MECOM: variants seen among roughly 807,000 people sequenced by gnomAD.
The protein encoded by MECOM is MDS1 and EVI1 complex locus, also known as histone-lysine N-methyltransferase MECOM.
In MECOM, 13 loss-of-function variants were observed where a neutral mutation model predicts 116.3. The ratio of observed to expected loss-of-function variants is 0.11; its 90% CI spans 0.07 to 0.18. The LOEUF is 0.18. Among genes scored for constraint, MECOM ranks in the 10% least tolerant of loss-of-function variants. The pLI, the probability that MECOM is intolerant of heterozygous loss-of-function variation, is 1.00. For synonymous variants in MECOM, 528 were observed against 535.2 expected (o/e 0.99, Z 0.19); for missense variants, 1,299 against 1,509.0 (o/e 0.86, Z 2.31).
intron 14 of MECOM, among the ~76,000 whole-genome samples, chr3:169,091,565 T>C (rs1389188242): frequency 4.6e-5 from 7 of 152,234 alleles, no homozygotes; most frequent in African/African-American, 7.2e-5. Flanking sequence ...TGTTTCTTGC[T>C]TGTTCTTGCT....
intron 2 of MECOM, among the ~76,000 whole-genome samples, chr3:169,325,090 T>G (rs1721620398): frequency 6.6e-6 from 1 of 152,142 alleles, no homozygotes; most frequent in Admixed American, 6.5e-5. Context: ...AACCCCCTTA[T>G]GAATAGTGAA....
chr3:169,548,719 A>G (rs753788441), intron 1 of MECOM, among the ~76,000 whole-genome samples: 1 of 152,204 alleles, frequency 6.6e-6, no homozygotes, highest in East Asian at 1.9e-4. Context: ...TGCTTGCTGG[A>G]GCCCTCTCTC....
chr3:169,327,100 G>A (rs1379070552), intron 2 of MECOM, among the ~76,000 whole-genome samples: 2 of 152,150 alleles, frequency 1.3e-5, no homozygotes, highest in African/African-American at 4.8e-5. Context: ...CAACTATAGG[G>A]TCAGATGCAA....
At chr3:169,505,022 A>ATGAC in intron 1 of MECOM, among the ~76,000 whole-genome samples, 4 of 152,344 alleles carry the variant, frequency 2.6e-5, no homozygotes, top group Admixed American at 2.6e-4. Flanking sequence ...CAACTGACAC[A>ATGAC]TGACTGTTCT....
chr3:169,633,205 G>A lies in MECOM; in HGVS notation c.37+30131C>T, dbSNP rs16854242. Among the ~76,000 whole-genome samples the A allele has an allele frequency of 0.014, 2,196 of 152,042 alleles. 179 individuals carry two copies. In the East Asian group the frequency reaches 0.25, roughly 18 times the overall value. ...TGAAAGTCTTCTGGAACAACAAAAC[G>A]GTACATGCCTATCCAGGCAAGCAGA... On this transcript the variant is annotated intron_variant, in intron 1 of 16. Coordinates refer to ENST00000651503, the MANE Select transcript of MECOM (RefSeq NM_004991.4).
chr3:169,306,500 G>A (rs1287763374), intron 2 of MECOM, among the ~76,000 whole-genome samples: 1 of 152,134 alleles, frequency 6.6e-6, no homozygotes, highest in Non-Finnish European at 1.5e-5. Context: ...TGGCCAATGT[G>A]GGGAAACCCT....
intron 1 of MECOM, among the ~76,000 whole-genome samples, chr3:169,459,204 C>T (rs979909971): frequency 2.6e-5 from 4 of 152,138 alleles, no homozygotes; most frequent in African/African-American, 9.7e-5. Flanking sequence ...GATCCTAAAC[C>T]GTAAACCTCA....
chr3:169,179,443 C>A (rs914840996), intron 2 of MECOM, among the ~76,000 whole-genome samples: 1 of 133,850 alleles, frequency 7.5e-6, no homozygotes, highest in East Asian at 2.2e-4. Context: ...CCAGCTGCTG[C>A]GGAATGTTTG....
chr3:169,198,474 C>T (rs1436344322), intron 2 of MECOM, among the ~76,000 whole-genome samples: 2 of 151,900 alleles, frequency 1.3e-5, no homozygotes, highest in Admixed American at 6.6e-5. Context: ...TACTTCCTTC[C>T]CTTGCTTTGG....
intron 1 of MECOM, among the ~76,000 whole-genome samples, chr3:169,505,559 G>T (rs942619519): frequency 5.9e-5 from 9 of 152,160 alleles, no homozygotes; most frequent in Admixed American, 5.2e-4. Context: ...GTGTTTGTGT[G>T]TATGCATACG....
At chr3:169,521,106 G>A (rs961071142) in intron 1 of MECOM, among the ~76,000 whole-genome samples, 1 of 152,206 alleles carries the variant, frequency 6.6e-6, no homozygotes, top group African/African-American at 2.4e-5. Flanking sequence ...AGGTGAGGCT[G>A]GAGGGATGAC....
chr3:169,625,476 C>G (rs1209750005), intron 1 of MECOM, among the ~76,000 whole-genome samples: 1 of 152,014 alleles, frequency 6.6e-6, no homozygotes, highest in East Asian at 1.9e-4. Context: ...AACATAGGGC[C>G]CATAAAGCAA....
chr3:169,616,283 G>A (rs1177009323), intron 1 of MECOM, among the ~76,000 whole-genome samples: 1 of 152,186 alleles, frequency 6.6e-6, no homozygotes, highest in Non-Finnish European at 1.5e-5. Flanking sequence ...GTTTGGGGAA[G>A]AAAAGAGGGG....
At chr3:169,254,941 T>C (rs972480464) in intron 2 of MECOM, among the ~76,000 whole-genome samples, 1 of 152,102 alleles carries the variant, frequency 6.6e-6, no homozygotes, top group Non-Finnish European at 1.5e-5. Flanking sequence ...TTCTGCTTAA[T>C]GCATAGCTTG....
intron 2 of MECOM, among the ~76,000 whole-genome samples, chr3:169,357,463 T>C (rs1212234141): frequency 6.6e-6 from 1 of 151,804 alleles, no homozygotes; most frequent in Non-Finnish European, 1.5e-5. Context: ...TTCCAAGAAA[T>C]CAAGACATAA....
At chr3:169,186,586 G>T (rs1746803306) in intron 2 of MECOM, among the ~76,000 whole-genome samples, 1 of 152,054 alleles carries the variant, frequency 6.6e-6, no homozygotes, top group African/African-American at 2.4e-5. Flanking sequence ...TTATTTGCAT[G>T]GTTCAGATTT....
intron 1 of MECOM, among the ~76,000 whole-genome samples, chr3:169,428,080 TGAGGCAGAAGAATCGCTTGAACCCGA>T (rs988638193): frequency 3.3e-4 from 51 of 152,296 alleles, no homozygotes; most frequent in Admixed American, 1.3e-3. Context: ...CTTGGGAGGC[TGAGGCAGAAGAATCGCTTGAACCCGA>T]GAGGCAGAAG....
chr3:169,208,927 AT>A (rs770333250), intron 2 of MECOM, among the ~76,000 whole-genome samples: 4 of 151,490 alleles, frequency 2.6e-5, no homozygotes, highest in Non-Finnish European at 5.9e-5. Flanking sequence ...GAGATGTCAC[AT>A]TGCTTGACTT....
At chr3:169,316,742 A>G (rs1358676674) in intron 2 of MECOM, among the ~76,000 whole-genome samples, 1 of 152,158 alleles carries the variant, frequency 6.6e-6, no homozygotes, top group African/African-American at 2.4e-5. Context: ...TTGTGGAGAC[A>G]GAGCTTTGCC....
Sources: allele counts gnomAD v4.1 joint callset (sites outside exome capture counted in the v4.1 genomes callset), GRCh38; gene constraint gnomAD v4.1.1; transcripts MANE v1.5; gene names NCBI Gene and HGNC (gene_info 2026-07-23, HGNC 2026-07-21).